The following TMEM248 variants were observed in gnomAD, a reference collection of about 807,000 sequenced individuals.
The protein encoded by TMEM248 is UPF0458 protein C7orf42.
A neutral mutation model predicts 30.3 loss-of-function variants in TMEM248; 9 were observed. The ratio of observed to expected loss-of-function variants is 0.30; its 90% CI spans 0.18 to 0.52. The LOEUF is 0.52. Ranked by LOEUF, TMEM248 falls within the 20% of genes least tolerant of loss-of-function variation. The pLI is 0.97. For synonymous variants in TMEM248, 184 were observed against 154.4 expected (o/e 1.19, Z -1.42); for missense variants, 338 against 403.3 (o/e 0.84, Z 1.39).
intron 1 of TMEM248, among the ~76,000 whole-genome samples, chr7:66,926,957 C>T (rs997649872): frequency 2.0e-5 from 3 of 152,126 alleles, no homozygotes; most frequent in Non-Finnish European, 4.4e-5. Flanking sequence ...AAACATGTCC[C>T]AGTCTTACAC....
At chr7:66,953,447 A>G (rs1264060324) in intron 6 of TMEM248, 78 bp downstream of exon 6, 12 of 1,540,952 alleles carry the variant, frequency 7.8e-6, no homozygotes, top group South Asian at 3.7e-5. Context: ...TCCTTATTCT[A>G]TTTATTGTGG....
rs1792429064 is a variant in TMEM248 at position 66,957,328 on chromosome 7, T to C, written c.*1806T>C. 6.6e-6 allele frequency: 1 copy of C among 152,270 alleles called. No individual in the cohort carries two copies. 9.4% of individuals were successfully genotyped at this position (152,270 alleles called of 1,614,324 possible). A position where few individuals can be genotyped will look rare whatever the true frequency, so the allele number is the denominator to read the frequency against. On this transcript the variant is annotated 3_prime_UTR_variant, in exon 7 of 7. Coordinates refer to ENST00000341567, the MANE Select transcript of TMEM248 (RefSeq NM_017994.5). ...TGAATAGAAAACAGTTGCGTGCTTTTATTGAAGATTGTTAAAATAATCACC... is the reference window on the plus strand; with the variant it reads ...TGAATAGAAAACAGTTGCGTGCTTTCATTGAAGATTGTTAAAATAATCACC...
intron 1 of TMEM248, among the ~76,000 whole-genome samples, chr7:66,931,792 C>CTTTTTTTTT (rs1156882038): frequency 1.1e-5 from 1 of 88,434 alleles, no homozygotes; most frequent in Admixed American, 1.2e-4. Context: ...GGCCTTCCTC[C>CTTTTTTTTT]TTTTTTTTTT....
At chr7:66,924,540 G>C (rs1791472884) in intron 1 of TMEM248, among the ~76,000 whole-genome samples, 1 of 152,148 alleles carries the variant, frequency 6.6e-6, no homozygotes, top group African/African-American at 2.4e-5. Context: ...GAGTAGCTGG[G>C]ATTACAGATG....
chr7:66,948,748 G>A, intron 4 of TMEM248, 54 bp downstream of exon 4: 2 of 1,565,668 alleles, frequency 1.3e-6, no homozygotes, highest in South Asian at 2.3e-5. Flanking sequence ...CTTGCCGTGA[G>A]TACGGCTGGG....
chr7:66,953,467 T>G (rs1028066869), intron 6 of TMEM248, 98 bp downstream of exon 6: 2 of 1,476,078 alleles, frequency 1.4e-6, no homozygotes, highest in Non-Finnish European at 1.8e-6. Context: ...GGTGGCACCT[T>G]TCGTCTAAAG....
chr7:66,930,822 C>CAA (rs776489166), intron 1 of TMEM248: 5 of 152,728 alleles, frequency 3.3e-5, no homozygotes, highest in Middle Eastern at 3.4e-3. Context: ...TTGAGGGTCT[C>CAA]AGACATCACA....
At chr7:66,934,162 A>G (rs1410768981) in intron 1 of TMEM248, among the ~76,000 whole-genome samples, 1 of 151,354 alleles carries the variant, frequency 6.6e-6, no homozygotes, top group Non-Finnish European at 1.5e-5. Context: ...GAATCTTAAT[A>G]GTTTTATTCA....
intron 1 of TMEM248, among the ~76,000 whole-genome samples, chr7:66,929,778 G>T (rs552639407): frequency 6.6e-6 from 1 of 152,228 alleles, no homozygotes; most frequent in African/African-American, 2.4e-5. Context: ...TGTCAGTGGG[G>T]ATGGAGTGAG....
rs758407020 is a variant in TMEM248 at position 66,953,364 on chromosome 7, G to C, written c.919G>C (p.Glu307Gln). The C allele has an allele frequency of 1.9e-6, 3 of 1,613,788 alleles. No individual in the cohort carries two copies. Among genetic ancestry groups the C allele is most frequent in the East Asian group, 2.2e-5 (1 of 44,876 alleles). Residue 307 changes from glutamate (E) to glutamine (Q), a missense_variant, in exon 6 of 7, where the codon GAG becomes CAG. Physicochemically the swap from Glu to Gln is conservative, Grantham distance 29. Transcript: ENST00000341567. ...LRQSNPEFCP[E>Q]KVALAEA ...TCAGAGCAATCCTGAATTTTGTCCC[G>C]AGAAGGTGAGCGGTGGATGGGGTCC... is the stretch of plus-strand genomic sequence containing the variant.
chr7:66,952,398 G>C (rs919668245), intron 5 of TMEM248, among the ~76,000 whole-genome samples: 1 of 152,222 alleles, frequency 6.6e-6, no homozygotes, highest in Non-Finnish European at 1.5e-5. Flanking sequence ...GGGCTCATTT[G>C]TAGGCCAGGG....
At chr7:66,925,600 A>G (rs921386669) in intron 1 of TMEM248, among the ~76,000 whole-genome samples, 1 of 152,186 alleles carries the variant, frequency 6.6e-6, no homozygotes, top group African/African-American at 2.4e-5. Flanking sequence ...TGCAGTGAAC[A>G]GACATCTCTT....
At chr7:66,933,666 ATCTTG>A (rs1791724903) in intron 1 of TMEM248, among the ~76,000 whole-genome samples, 1 of 152,172 alleles carries the variant, frequency 6.6e-6, no homozygotes, top group African/African-American at 2.4e-5. Flanking sequence ...CTTTGGGATA[ATCTTG>A]GTATTGCCTT....
At chr7:66,952,762 C>T (rs1403702299) in intron 5 of TMEM248, among the ~76,000 whole-genome samples, 1 of 152,158 alleles carries the variant, frequency 6.6e-6, no homozygotes, top group East Asian at 1.9e-4. Flanking sequence ...AAGGGCGTGA[C>T]CCCTGGGGAG....
chr7:66,926,584 C>T (rs962387650), intron 1 of TMEM248, among the ~76,000 whole-genome samples: 7 of 149,070 alleles, frequency 4.7e-5, no homozygotes, highest in Non-Finnish European at 8.9e-5. Context: ...TGTGGTGAGC[C>T]GGGTTCGCAC....
At chr7:66,944,702 T>C (rs868164420) in intron 2 of TMEM248, among the ~76,000 whole-genome samples, 1 of 152,358 alleles carries the variant, frequency 6.6e-6, no homozygotes, top group Middle Eastern at 3.4e-3. Flanking sequence ...AAAAAGATTT[T>C]CTTGAATAAA....
At chr7:66,950,479 C>G (rs575627239) in intron 4 of TMEM248, among the ~76,000 whole-genome samples, 1 of 152,170 alleles carries the variant, frequency 6.6e-6, no homozygotes, top group Non-Finnish European at 1.5e-5. Context: ...CTTCCACTTC[C>G]GCCATGCTTG....
chr7:66,929,946 G>C (rs981516849), intron 1 of TMEM248, among the ~76,000 whole-genome samples: 6 of 152,112 alleles, frequency 3.9e-5, no homozygotes, highest in African/African-American at 1.4e-4. Context: ...GATCGCTTGA[G>C]CCCAGGAGTT....
intron 6 of TMEM248, among the ~76,000 whole-genome samples, chr7:66,953,747 G>A (rs1246204062): frequency 1.3e-5 from 2 of 151,754 alleles, no homozygotes; most frequent in Non-Finnish European, 2.9e-5. Flanking sequence ...TGGGATTACA[G>A]TCGCAAGCCA....
Sources: gnomAD v4.1 joint callset for allele counts (sites outside exome capture counted in the v4.1 genomes callset) on GRCh38, gnomAD v4.1.1 for gene constraint, MANE v1.5 for transcripts, NCBI Gene and HGNC (gene_info 2026-07-23, HGNC 2026-07-21) for gene names.